The following LRP5 variants were observed in gnomAD, a reference collection of about 807,000 sequenced individuals.
LRP5 encodes low-density lipoprotein receptor-related protein 5.
LRP5 carries 62 observed loss-of-function variants against 154.1 expected under a neutral mutation model. That is an observed-to-expected ratio of 0.40 (90% CI 0.33 to 0.50). The LOEUF (loss-of-function observed/expected upper bound fraction) is 0.50, where lower values mean the gene tolerates loss of function less well. Among genes scored for constraint, LRP5 ranks in the 20% least tolerant of loss-of-function variants. The probability of loss-of-function intolerance (pLI) is 0.55; values close to 1 mark genes in which losing one functional copy is unlikely to be tolerated. For synonymous variants in LRP5, 966 were observed against 1,011.5 expected, an observed-to-expected ratio of 0.96 and a Z score of 0.85; for missense variants, 1,915 against 2,336.7, an observed-to-expected ratio of 0.82 and a Z score of 3.72.
intron 5 of LRP5, among the ~76,000 whole-genome samples, chr11:68,372,113 G>T (rs1040213844): frequency 6.6e-6 from 1 of 152,208 alleles, no homozygotes; most frequent in Non-Finnish European, 1.5e-5. Context: ...TGTGAGTGAT[G>T]TTTAGGCCAA....
intron 21 of LRP5, among the ~76,000 whole-genome samples, chr11:68,444,955 G>GAAAGAGC (rs1263828761): frequency 6.6e-6 from 1 of 152,074 alleles, no homozygotes; most frequent in Non-Finnish European, 1.5e-5. Context: ...ACCCTCTCCA[G>GAAAGAGC]AAAGAGCAGG....
intron 5 of LRP5, among the ~76,000 whole-genome samples, chr11:68,384,111 G>T (rs968125540): frequency 2.0e-5 from 3 of 152,120 alleles, no homozygotes; most frequent in South Asian, 2.1e-4. Flanking sequence ...TTGCCATCAC[G>T]TGGGCGCCCT....
At chr11:68,327,252 C>T (rs1417901252) in intron 1 of LRP5, among the ~76,000 whole-genome samples, 2 of 152,290 alleles carry the variant, frequency 1.3e-5, no homozygotes, top group South Asian at 2.1e-4. Context: ...AGCCCCTCTT[C>T]GTTCCATTTC....
chr11:68,370,820 T>G (rs73513051), intron 5 of LRP5, among the ~76,000 whole-genome samples: 3,706 of 152,308 alleles, frequency 0.024, 142 homozygotes, highest in African/African-American at 0.084. Context: ...GCAGCCAGTG[T>G]GGGGACTGTT....
chr11:68,443,585 A>ATATTTT (rs1259673892), intron 21 of LRP5, among the ~76,000 whole-genome samples: 6 of 24,846 alleles, frequency 2.4e-4, no homozygotes, highest in African/African-American at 9.4e-4. Flanking sequence ...ATATATATAT[A>ATATTTT]TTTTTTTTTT....
In LRP5 at chr11:68,411,472, G is replaced by A; in HGVS notation, c.2355G>A (p.Arg785=). The A allele has an allele frequency of 6.2e-7, 1 of 1,613,138 alleles. No homozygotes were observed. Among genetic ancestry groups the A allele is most frequent in the Non-Finnish European group, 8.5e-7 (1 of 1,180,042 alleles). Residue 785 remains arginine (R), a synonymous_variant, in exon 11 of 23, where the codon AGG becomes AGA. Transcript: ENST00000294304. ...GGACCGAGTGGGGCGGCAAGCCGAG[G>A]ATCGTGCGGGCCTTCATGGACGGGA... ...IYWTEWGGKP[R]IVRAFMDGTN...
At chr11:68,363,559 AG>A (rs1458749394) in intron 3 of LRP5, among the ~76,000 whole-genome samples, 187 bp from the exon 4 acceptor site, 4 of 151,994 alleles carry the variant, frequency 2.6e-5, no homozygotes, top group Non-Finnish European at 5.9e-5. Context: ...CGGGAGGCTG[AG>A]GCAGGATAAT....
intron 1 of LRP5, 21 bp from the exon 2 acceptor site, chr11:68,347,826 C>T (rs762811448): frequency 9.3e-6 from 15 of 1,612,236 alleles, no homozygotes; most frequent in African/African-American, 4.0e-5. Flanking sequence ...GTGGCCCTCA[C>T]GGTTTGCTTC....
At chr11:68,377,857 TTTCCCCGGATCTCAGC>T (rs2098638199) in intron 5 of LRP5, among the ~76,000 whole-genome samples, 56 of 654 alleles carry the variant, frequency 0.086, 2 homozygotes, top group Admixed American at 0.41. Flanking sequence ...GGATCTCAGC[TTTCCCCGGATCTCAGC>T]TTTCCCCGGA....
At chr11:68,404,451 G>T (rs1177502434) in intron 8 of LRP5, 1 of 497,534 alleles carries the variant, frequency 2.0e-6, no homozygotes, top group Non-Finnish European at 4.0e-6. Flanking sequence ...TGCCCGTCGG[G>T]TGGATGTGAT....
intron 13 of LRP5, among the ~76,000 whole-genome samples, chr11:68,418,811 G>C (rs2098663986): frequency 2.0e-5 from 3 of 152,148 alleles, no homozygotes; most frequent in African/African-American, 4.8e-5. Context: ...CTTTCATCTT[G>C]CTTGCTACAG....
chr11:68,436,130 C>T (rs2098674743), intron 18 of LRP5, among the ~76,000 whole-genome samples: 1 of 152,226 alleles, frequency 6.6e-6, no homozygotes, highest in South Asian at 2.1e-4. Flanking sequence ...GTGCTGGTGG[C>T]AGGCCCTTAC....
At chr11:68,322,017 C>T (rs951352394) in intron 1 of LRP5, among the ~76,000 whole-genome samples, 7 of 152,200 alleles carry the variant, frequency 4.6e-5, no homozygotes, top group Non-Finnish European at 8.8e-5. Context: ...CCTCACTGTA[C>T]GAGATAGTTT....
At chr11:68,372,872 G>A (rs138669508) in intron 5 of LRP5, among the ~76,000 whole-genome samples, 232 of 152,188 alleles carry the variant, frequency 1.5e-3, no homozygotes, top group African/African-American at 5.3e-3. Flanking sequence ...CGCTTCAGGC[G>A]TGTGGCTCCC....
chr11:68,442,412 A>G (rs564262509), intron 21 of LRP5, among the ~76,000 whole-genome samples: 3 of 152,246 alleles, frequency 2.0e-5, no homozygotes, highest in African/African-American at 4.8e-5. Flanking sequence ...AGTAGCTCAG[A>G]TGGCAGGTGT....
chr11:68,409,085 T>C (rs1200977233), intron 9 of LRP5, among the ~76,000 whole-genome samples: 2 of 42,198 alleles, frequency 4.7e-5, no homozygotes, highest in African/African-American at 1.5e-4. Context: ...TATATATATA[T>C]ATATATATAT....
At chr11:68,403,738 A>G (rs751910969) in intron 8 of LRP5, 39 bp downstream of exon 8, 1 of 1,609,682 alleles carries the variant, frequency 6.2e-7, no homozygotes, top group Non-Finnish European at 8.5e-7. Flanking sequence ...TCAGCCATGC[A>G]GACTTGCATG....
Position 68,411,733 on chromosome 11 carries a change from G to A in LRP5, c.2503+113G>A, listed in dbSNP as rs936391042. On this transcript the variant is annotated intron_variant, in intron 11 of 22. Coordinates refer to ENST00000294304, the MANE Select transcript of LRP5 (RefSeq NM_002335.4). ...GCCTGCAAGTTCCCCAACCTGGCAGGAGCTGTGGCCACACCCACGACTGCC... is the reference window on the plus strand; with the variant it reads ...GCCTGCAAGTTCCCCAACCTGGCAGAAGCTGTGGCCACACCCACGACTGCC... 7 of 1,180,890 alleles carry A rather than the reference G, an allele frequency of 5.9e-6. No homozygotes were observed. The African/African-American group carries it at 1.1e-4, about 18-fold the overall frequency. 73.2% of individuals were successfully genotyped at this position (1,180,890 alleles called of 1,614,324 possible). A position where few individuals can be genotyped will look rare whatever the true frequency, so the allele number is the denominator to read the frequency against.
intron 7 of LRP5, among the ~76,000 whole-genome samples, chr11:68,400,865 G>C (rs555653132): frequency 1.3e-5 from 2 of 152,316 alleles, no homozygotes; most frequent in South Asian, 4.1e-4. Context: ...GACCAGCCTG[G>C]CCAACATGGT....
Sources: gnomAD v4.1 joint callset for allele counts (sites outside exome capture counted in the v4.1 genomes callset) on GRCh38, gnomAD v4.1.1 for gene constraint, MANE v1.5 for transcripts, NCBI Gene and HGNC (gene_info 2026-07-23, HGNC 2026-07-21) for gene names.